The following THSD7B variants were observed in gnomAD, a reference collection of about 807,000 sequenced individuals.
THSD7B encodes the protein thrombospondin type-1 domain-containing protein 7B.
A neutral mutation model predicts 213.6 loss-of-function variants in THSD7B; 138 were observed. The ratio of observed to expected loss-of-function variants is 0.65; its 90% confidence interval spans 0.56 to 0.74. The LOEUF is 0.74. Ranked by LOEUF, THSD7B falls within the 30% of genes least tolerant of loss-of-function variation. The probability of loss-of-function intolerance (pLI) is 0.00; values close to 1 mark genes in which losing one functional copy is unlikely to be tolerated. For missense variants in THSD7B, 1,931 were observed against 1,991.5 expected (o/e 0.97, Z 0.58); for synonymous variants, 742 against 687.0 (o/e 1.08, Z -1.25).
intron 12 of THSD7B, among the ~76,000 whole-genome samples, chr2:137,307,099 T>C (rs1454452302): frequency 2.0e-5 from 3 of 152,144 alleles, no homozygotes; most frequent in African/African-American, 7.2e-5. Context: ...GTTCGAAACA[T>C]GAGCTTCTGC....
intron 7 of THSD7B, among the ~76,000 whole-genome samples, chr2:137,199,207 A>T (rs7589054): frequency 0.83 from 126,829 of 152,102 alleles, 53,818 homozygotes; most frequent in Middle Eastern, 0.94. Flanking sequence ...CATGTTTTTA[A>T]AACAAATGCT....
At chr2:136,866,199 A>C (rs1326332283) in intron 1 of THSD7B, among the ~76,000 whole-genome samples, 1 of 152,162 alleles carries the variant, frequency 6.6e-6, no homozygotes, top group Non-Finnish European at 1.5e-5. Context: ...CTAGTTCTTC[A>C]TAAGCTGACT....
chr2:137,556,300 G>A (rs185810235), intron 15 of THSD7B, among the ~76,000 whole-genome samples: 7 of 152,038 alleles, frequency 4.6e-5, no homozygotes, highest in South Asian at 2.1e-4. Context: ...GAGAAAGGTC[G>A]GGTTACCCAC....
chr2:137,665,083 C>G (rs1298712895), intron 26 of THSD7B, among the ~76,000 whole-genome samples: 6 of 152,190 alleles, frequency 3.9e-5, no homozygotes, highest in Non-Finnish European at 7.4e-5. Context: ...ATATCTTAGT[C>G]AACTTTTGCT....
At chr2:136,952,530 G>C (rs1002558197) in intron 2 of THSD7B, among the ~76,000 whole-genome samples, 1 of 150,924 alleles carries the variant, frequency 6.6e-6, no homozygotes, top group African/African-American at 2.4e-5. Context: ...AGTGGCAGAG[G>C]ACTTATCTTT....
At chr2:136,869,509 G>C (rs1683395804) in intron 1 of THSD7B, among the ~76,000 whole-genome samples, 1 of 152,164 alleles carries the variant, frequency 6.6e-6, no homozygotes, top group African/African-American at 2.4e-5. Flanking sequence ...TTTAGAACCT[G>C]ACAACATCTT....
Position 137,573,889 on chromosome 2 carries a change from G to A in THSD7B, c.3423+1333G>A, listed in dbSNP as rs541521249. Reference sequence around the variant, plus strand: ...GCCCAGTTATCTTGGAAAAATTAAGGTGGATTTAGACTCAATACTTTTCTT... The same window carrying A: ...GCCCAGTTATCTTGGAAAAATTAAGATGGATTTAGACTCAATACTTTTCTT... On this transcript the variant is annotated intron_variant, in intron 17 of 27. Coordinates refer to ENST00000409968, the MANE Select transcript of THSD7B (RefSeq NM_001316349.2). Among the ~76,000 whole-genome samples, 3 of 152,132 alleles carry A rather than the reference G, an allele frequency of 2.0e-5. No homozygotes were observed. In the South Asian group the frequency reaches 6.2e-4, roughly 32 times the overall value.
At chr2:136,979,517 C>T (rs1326750711) in intron 2 of THSD7B, among the ~76,000 whole-genome samples, 1 of 151,994 alleles carries the variant, frequency 6.6e-6, no homozygotes, top group East Asian at 1.9e-4. Context: ...CTAATCTTGT[C>T]TGCCTGTCTT....
intron 12 of THSD7B, among the ~76,000 whole-genome samples, chr2:137,332,176 C>T (rs1238557511): frequency 6.6e-6 from 1 of 152,074 alleles, no homozygotes; most frequent in Non-Finnish European, 1.5e-5. Flanking sequence ...CTCTCAAAAG[C>T]AGCCAGGAGG....
chr2:137,265,632 G>A (rs1381928898), intron 10 of THSD7B, among the ~76,000 whole-genome samples: 2 of 152,196 alleles, frequency 1.3e-5, no homozygotes. Context: ...AAAAGGTCCA[G>A]TGATCCTGTT....
intron 2 of THSD7B, among the ~76,000 whole-genome samples, chr2:137,022,772 A>G (rs1437388383): frequency 6.6e-6 from 1 of 152,138 alleles, no homozygotes; most frequent in Non-Finnish European, 1.5e-5. Context: ...TGTTTTATTT[A>G]GTGCATGGGT....
At chr2:136,892,595 A>C (rs1295927454) in intron 2 of THSD7B, among the ~76,000 whole-genome samples, 2 of 151,964 alleles carry the variant, frequency 1.3e-5, no homozygotes, top group African/African-American at 4.8e-5. Context: ...CTTTTGAATG[A>C]TATACCTCAA....
chr2:136,828,914 G>C (rs2887663), intron 1 of THSD7B, among the ~76,000 whole-genome samples: 146,663 of 152,282 alleles, frequency 0.96, 70,909 homozygotes, highest in East Asian at 1. Flanking sequence ...TTCATGAGAA[G>C]AAGAATTATG....
At chr2:137,665,624 T>C (rs1683431274) in intron 26 of THSD7B, among the ~76,000 whole-genome samples, 1 of 152,070 alleles carries the variant, frequency 6.6e-6, no homozygotes, top group Non-Finnish European at 1.5e-5. Context: ...TATTTTGACC[T>C]AAAATGTTCC....
chr2:137,260,459 A>AG (rs1486734778), intron 10 of THSD7B, among the ~76,000 whole-genome samples: 2 of 152,144 alleles, frequency 1.3e-5, no homozygotes, highest in African/African-American at 2.4e-5. Flanking sequence ...TTGTTAAAAA[A>AG]TTTCTTAAAA....
chr2:136,914,243 G>A (rs770079925), intron 2 of THSD7B, among the ~76,000 whole-genome samples: 2 of 152,248 alleles, frequency 1.3e-5, no homozygotes, highest in South Asian at 2.1e-4. Flanking sequence ...ATTTGGAATA[G>A]CTGTATTTAC....
At chr2:137,077,117 G>T (rs895855334) in intron 3 of THSD7B, among the ~76,000 whole-genome samples, 1 of 151,496 alleles carries the variant, frequency 6.6e-6, no homozygotes, top group Non-Finnish European at 1.5e-5. Context: ...GAGAATGATG[G>T]TTTCCAGCTT....
chr2:136,865,614 T>G (rs1345328018), intron 1 of THSD7B, among the ~76,000 whole-genome samples: 1 of 152,226 alleles, frequency 6.6e-6, no homozygotes, highest in African/African-American at 2.4e-5. Context: ...TCAACATTCA[T>G]TTCTTCTTGT....
chr2:137,126,514 G>A (rs1688631566), intron 5 of THSD7B, among the ~76,000 whole-genome samples: 1 of 147,920 alleles, frequency 6.8e-6, no homozygotes, highest in Non-Finnish European at 1.5e-5. Flanking sequence ...AGAGAGTTAA[G>A]ACCTTGCTCT....
Sources: allele counts gnomAD v4.1 joint callset (sites outside exome capture counted in the v4.1 genomes callset), GRCh38; gene constraint gnomAD v4.1.1; transcripts MANE v1.5; gene names NCBI Gene and HGNC (gene_info 2026-07-23, HGNC 2026-07-21).